Variants in AGTR1 observed in about 807,000 individuals in gnomAD.
AGTR1 encodes the protein type-1 angiotensin II receptor.
Under a neutral mutation model 19.4 loss-of-function variants are expected in AGTR1, and 16 were observed. That is an observed-to-expected ratio of 0.82 (90% confidence interval 0.56 to 1.25). The LOEUF (loss-of-function observed/expected upper bound fraction) is 1.25. AGTR1 is among the 50% of genes most tolerant of loss of function. AGTR1 has a pLI of 0.00. For synonymous variants in AGTR1, 153 were observed against 154.9 expected, an observed-to-expected ratio of 0.99 and a Z score of 0.09; for missense variants, 373 against 431.9, an observed-to-expected ratio of 0.86 and a Z score of 1.21.
Position 148,742,323 on chromosome 3 carries a change from A to G in AGTR1, c.*208A>G, listed in dbSNP as rs1042004827. On this transcript the variant is annotated 3_prime_UTR_variant, in exon 3 of 3. Transcript: ENST00000349243. ...AAGACAAAGCAAAGCCACATTTTGC[A>G]TTAGACAGATGACGGCTGCTCGAAG... 40 of 743,278 alleles carry G rather than the reference A, an allele frequency of 5.4e-5. No homozygotes were observed. Among genetic ancestry groups the G allele is most frequent in the Admixed American group, 8.2e-5 (4 of 48,912 alleles). The allele number at this position is 743,278 out of a possible 1,614,324, so 46.0% of individuals were successfully genotyped here. A position where few individuals can be genotyped will look rare whatever the true frequency, so the allele number is the denominator to read the frequency against.
At chr3:148,723,559 C>T (rs1713766397) in intron 2 of AGTR1, among the ~76,000 whole-genome samples, 1 of 152,146 alleles carries the variant, frequency 6.6e-6, no homozygotes, top group Admixed American at 6.5e-5. Context: ...TGGAGCACTT[C>T]AGAGCAGCAA....
chr3:148,718,354 G>GC (rs1340248314), intron 2 of AGTR1, among the ~76,000 whole-genome samples: 3 of 152,136 alleles, frequency 2.0e-5, no homozygotes, highest in Non-Finnish European at 1.5e-5. Context: ...TCTTTAGGAG[G>GC]CCTGCTGCAT....
intron 2 of AGTR1, among the ~76,000 whole-genome samples, chr3:148,737,680 T>G (rs1338287538): frequency 1.3e-5 from 2 of 152,310 alleles, no homozygotes; most frequent in Non-Finnish European, 2.9e-5. Flanking sequence ...TGTGCTTCCT[T>G]CCACTGTTTC....
intron 2 of AGTR1, among the ~76,000 whole-genome samples, chr3:148,708,286 A>G (rs1477351474): frequency 6.6e-6 from 1 of 152,182 alleles, no homozygotes; most frequent in Non-Finnish European, 1.5e-5. Context: ...ATCATGTGAG[A>G]AAGTCCTTTG....
intron 2 of AGTR1, chr3:148,730,138 A>G (rs1380868646): frequency 2.5e-6 from 1 of 398,132 alleles, no homozygotes; most frequent in Non-Finnish European, 4.4e-6. Context: ...CTACTTCATC[A>G]TCCTCATCGT....
At chr3:148,732,350 T>A (rs1373169261) in intron 2 of AGTR1, among the ~76,000 whole-genome samples, 1 of 152,246 alleles carries the variant, frequency 6.6e-6, no homozygotes, top group Non-Finnish European at 1.5e-5. Context: ...CTCGTTAGTC[T>A]AGAACCACAA....
intron 2 of AGTR1, among the ~76,000 whole-genome samples, chr3:148,723,575 C>T (rs990884167): frequency 3.3e-5 from 5 of 152,146 alleles, no homozygotes; most frequent in African/African-American, 1.2e-4. Context: ...AGCAACAGCT[C>T]TAAGAGATGT....
Position 148,742,139 on chromosome 3 carries a change from G to A in AGTR1, c.*24G>A. On this transcript the variant is annotated 3_prime_UTR_variant, in exon 3 of 3. Coordinates refer to ENST00000349243, the MANE Select transcript of AGTR1 (RefSeq NM_000685.5). The stretch of plus-strand genomic sequence containing the variant: ...GACATGTTCGAAACCTGTCCATAAA[G>A]TAATTTTGTGAAAGAAGGAGCAAGA... 1 of 1,613,394 alleles carries A rather than the reference G, an allele frequency of 6.2e-7. No individual in the cohort carries two copies. Among genetic ancestry groups the A allele is most frequent in the South Asian group, 1.1e-5 (1 of 91,052 alleles).
At chr3:148,709,347 T>C (rs1364770123) in intron 2 of AGTR1, among the ~76,000 whole-genome samples, 2 of 152,152 alleles carry the variant, frequency 1.3e-5, no homozygotes, top group Non-Finnish European at 2.9e-5. Flanking sequence ...CCCAGGGGGT[T>C]CCTGCTGGAA....
intron 1 of AGTR1, among the ~76,000 whole-genome samples, chr3:148,700,886 G>C (rs1396538334): frequency 6.6e-6 from 1 of 152,104 alleles, no homozygotes; most frequent in Non-Finnish European, 1.5e-5. Context: ...TAAGATCATT[G>C]GATTATGTGG....
At chr3:148,722,838 A>G (rs1713723006) in intron 2 of AGTR1, among the ~76,000 whole-genome samples, 1 of 152,230 alleles carries the variant, frequency 6.6e-6, no homozygotes, top group Admixed American at 6.5e-5. Context: ...TATGGAAGTC[A>G]GCATTTTTGC....
chr3:148,715,808 T>A (rs1355920171), intron 2 of AGTR1, among the ~76,000 whole-genome samples: 1 of 152,200 alleles, frequency 6.6e-6, no homozygotes, highest in East Asian at 1.9e-4. Context: ...AAAGTTAGTT[T>A]ACCCTTGTAT....
Position 148,735,081 on chromosome 3 carries a change from C to G in AGTR1, c.-47-5908C>G, listed in dbSNP as rs566052920. The stretch of plus-strand genomic sequence containing the variant: ...TAGATACACAGCTGAGATAAAGTTC[C>G]AGTGACTTTGGCAGTGTGAAAGTCA... On this transcript the variant is annotated intron_variant, in intron 2 of 2. Coordinates refer to ENST00000349243, the MANE Select transcript of AGTR1 (RefSeq NM_000685.5). Among the ~76,000 whole-genome samples the G allele has an allele frequency of 3.3e-5, 5 of 152,170 alleles. No homozygotes were observed. The South Asian group carries it at 1.0e-3, about 32-fold the overall frequency.
chr3:148,722,195 A>G (rs1476011708), intron 2 of AGTR1, among the ~76,000 whole-genome samples: 1 of 152,222 alleles, frequency 6.6e-6, no homozygotes, highest in Non-Finnish European at 1.5e-5. Flanking sequence ...AAAGAAAAAA[A>G]TGAATAGAAA....
At position 148,716,551 on chromosome 3, in the gene AGTR1, T is replaced by C. The variant is rs1469340012; in HGVS notation, c.-48+8524T>C. ...CCATAAAACCAGCCATGTAAGGAAC[T>C]AGAACATTTTGAGAATATGCAATAC... On this transcript the variant is annotated intron_variant, in intron 2 of 2. Transcript: ENST00000349243. This position sits in a 1 kb window ranked among gnomAD's most constrained non-coding sequence, Gnocchi z 4.7. Among the ~76,000 whole-genome samples the C allele has an allele frequency of 6.6e-6, 1 of 152,186 alleles. No homozygotes were observed. The highest frequency in any genetic ancestry group is 1.5e-5 in the Non-Finnish European group (1 of 68,016).
chr3:148,727,586 G>C (rs1010247047), intron 2 of AGTR1, among the ~76,000 whole-genome samples: 13 of 152,264 alleles, frequency 8.5e-5, no homozygotes, highest in Admixed American at 8.5e-4. Context: ...AGCCTTATCT[G>C]TGCAGAATCC....
chr3:148,733,174 C>T (rs539815776), intron 2 of AGTR1, among the ~76,000 whole-genome samples: 14 of 152,260 alleles, frequency 9.2e-5, no homozygotes, highest in African/African-American at 3.1e-4. Flanking sequence ...CCCACATTTT[C>T]CACCAATTTG....
rs17852013 is a variant in AGTR1, at chr3:148,741,699, C to G, written c.664C>G (p.Leu222Val). The G allele has an allele frequency of 6.2e-7, 1 of 1,613,908 alleles. No homozygotes were observed. Among genetic ancestry groups the G allele is most frequent in the Admixed American group, 1.7e-5 (1 of 59,988 alleles). Residue 222 changes from leucine (L) to valine (V), a missense_variant, in exon 3 of 3, where the codon CTA becomes GTA. Coordinates refer to ENST00000349243, the MANE Select transcript of AGTR1 (RefSeq NM_000685.5). ...LTSYTLIWKA[L>V]KKAYEIQKNK... is the part of the protein sequence containing the mutation. ...AAGTTATACTCTTATTTGGAAGGCC[C>G]TAAAGAAGGCTTATGAAATTCAGAA...
rs747566337 is a variant in AGTR1, at chr3:148,732,883, G to GGCGCCCGCCACT, written c.-47-8105_-47-8094dup. 1.5e-3 allele frequency among the ~76,000 whole-genome samples: 227 copies of GGCGCCCGCCACT among 149,742 alleles called. 5 individuals are homozygous for GGCGCCCGCCACT. In the East Asian group the frequency reaches 0.039, roughly 26 times the overall value. On this transcript the variant is annotated intron_variant, in intron 2 of 2. Transcript: ENST00000349243. ...AGCCTCCCAAGTAGCTGGGACTACA[G>GGCGCCCGCCACT]GCGCCCGCCACTACGCCCGGCTAAT...
Sources: allele counts gnomAD v4.1 joint callset (sites outside exome capture counted in the v4.1 genomes callset), GRCh38; gene constraint gnomAD v4.1.1; non-coding constraint Gnocchi (gnomAD v3.1); transcripts MANE v1.5; gene names NCBI Gene and HGNC (gene_info 2026-07-23, HGNC 2026-07-21).